CLNK: variants seen among roughly 807,000 people sequenced by gnomAD.
CLNK encodes cytokine-dependent hematopoietic cell linker.
A neutral mutation model predicts 68.6 loss-of-function variants in CLNK; 74 were observed. The ratio of observed to expected loss-of-function variants is 1.08; its 90% CI spans 0.89 to 1.31. The LOEUF (loss-of-function observed/expected upper bound fraction) is 1.31, where lower values mean the gene tolerates loss of function less well. Ranked by LOEUF, CLNK falls within the 50% of genes most tolerant of loss-of-function variation. The probability of loss-of-function intolerance (pLI) is 0.00; values close to 1 mark genes in which losing one functional copy is unlikely to be tolerated. For missense variants in CLNK, 553 were observed against 515.3 expected (o/e 1.07, Z -0.71); for synonymous variants, 198 against 172.2 (o/e 1.15, Z -1.17).
At chr4:10,608,909 C>T (rs146444922) in intron 2 of CLNK, among the ~76,000 whole-genome samples, 259 of 152,268 alleles carry the variant, frequency 1.7e-3, no homozygotes, top group African/African-American at 5.6e-3. Flanking sequence ...GAGCTGTTTC[C>T]CTGTGGTATC....
At chr4:10,513,772 G>GTAGCTTTGCCC (rs1427380801) in intron 15 of CLNK, among the ~76,000 whole-genome samples, 175 bp from the exon 16 acceptor site, 2 of 150,906 alleles carry the variant, frequency 1.3e-5, no homozygotes, top group Non-Finnish European at 2.9e-5. Flanking sequence ...TTCTCTACCT[G>GTAGCTTTGCCC]TAGCTTTGCC....
intron 2 of CLNK, chr4:10,635,845 C>T (rs889021976): frequency 3.3e-5 from 5 of 152,128 alleles, no homozygotes; most frequent in African/African-American, 4.8e-5. Flanking sequence ...CTCCAAAATC[C>T]GTGTTCTTTC....
At chr4:10,606,505 A>C (rs1470088403) in intron 2 of CLNK, among the ~76,000 whole-genome samples, 1 of 152,164 alleles carries the variant, frequency 6.6e-6, no homozygotes, top group Admixed American at 6.5e-5. Flanking sequence ...TAAATATATA[A>C]ACCAGTAACA....
intron 14 of CLNK, among the ~76,000 whole-genome samples, chr4:10,525,382 A>G (rs1718268428): frequency 6.6e-6 from 1 of 152,036 alleles, no homozygotes; most frequent in African/African-American, 2.4e-5. Context: ...GGCTTCTTTA[A>G]CTCTTCAGTT....
the CLNK span, among the ~76,000 whole-genome samples, chr4:10,731,083 A>G: frequency 2.6e-5 from 4 of 152,190 alleles, no homozygotes; most frequent in African/African-American, 4.8e-5. Context: ...AGAACATTCC[A>G]TATGTTCTCT....
In CLNK at chr4:10,558,572, G is replaced by A. The variant is rs1719767530; in HGVS notation, c.400-120C>T. 1.3e-5 allele frequency: 11 copies of A among 849,610 alleles called. No homozygotes were observed. The South Asian group carries it at 1.6e-4, about 12-fold the overall frequency. The allele number at this position is 849,610 out of a possible 1,614,324, so 52.6% of individuals were successfully genotyped here. On this transcript the variant is annotated intron_variant, in intron 7 of 18. Transcript: ENST00000226951. ...AAGCCGTAAGTCCCTGGGCTCTCTGGTTTTCAATGTATGGTTGGCTGTCAA... is the reference window on the plus strand; with the variant it reads ...AAGCCGTAAGTCCCTGGGCTCTCTGATTTTCAATGTATGGTTGGCTGTCAA...
chr4:10,674,342 G>A, intron 1 of CLNK, among the ~76,000 whole-genome samples: 1 of 152,286 alleles, frequency 6.6e-6, no homozygotes. Flanking sequence ...AAACACCACT[G>A]TACTGAGTGC....
chr4:10,515,105 G>A (rs1307174416), intron 15 of CLNK, among the ~76,000 whole-genome samples: 1 of 152,064 alleles, frequency 6.6e-6, no homozygotes, highest in Admixed American at 6.5e-5. Context: ...GGGCATGGTG[G>A]CGTGCTCCTG....
intron 13 of CLNK, among the ~76,000 whole-genome samples, 161 bp from the exon 14 acceptor site, chr4:10,526,083 G>A (rs1263879569): frequency 6.6e-6 from 1 of 152,118 alleles, no homozygotes; most frequent in Non-Finnish European, 1.5e-5. Flanking sequence ...GTATTCTACG[G>A]CTCTTCTGGC....
At chr4:10,500,273 C>G (rs1716983765) in intron 18 of CLNK, among the ~76,000 whole-genome samples, 1 of 152,190 alleles carries the variant, frequency 6.6e-6, no homozygotes, top group Non-Finnish European at 1.5e-5. Flanking sequence ...CTCTCCTTCC[C>G]CCTTCCGTTA....
intron 2 of CLNK, among the ~76,000 whole-genome samples, chr4:10,659,187 G>A (rs1724094953): frequency 6.6e-6 from 1 of 152,134 alleles, no homozygotes; most frequent in South Asian, 2.1e-4. Flanking sequence ...GGAAACAAGA[G>A]CGAAACTCTG....
intron 12 of CLNK, chr4:10,531,734 C>T: frequency 2.2e-6 from 1 of 456,780 alleles, no homozygotes; most frequent in South Asian, 1.5e-5. Flanking sequence ...AGCCACTGCA[C>T]CTGGCCCCCA....
intron 18 of CLNK, 147 bp downstream of exon 18, chr4:10,501,109 G>A: frequency 1.3e-6 from 1 of 755,948 alleles, no homozygotes; most frequent in South Asian, 2.3e-5. Context: ...TGTAAGATGT[G>A]CAGATATTTG....
intron 15 of CLNK, among the ~76,000 whole-genome samples, chr4:10,513,977 T>C (rs992236910): frequency 7.1e-6 from 1 of 141,282 alleles, no homozygotes; most frequent in South Asian, 2.4e-4. Flanking sequence ...CATCTAGCAT[T>C]AGGTATATCT....
intron 5 of CLNK, among the ~76,000 whole-genome samples, chr4:10,568,973 A>G (rs1720232960): frequency 6.6e-6 from 1 of 152,080 alleles, no homozygotes; most frequent in Non-Finnish European, 1.5e-5. Context: ...AAGTGACACC[A>G]CTCTCTGTAT....
At chr4:10,537,226 C>T (rs1284399597) in intron 11 of CLNK, among the ~76,000 whole-genome samples, 1 of 152,142 alleles carries the variant, frequency 6.6e-6, no homozygotes, top group East Asian at 1.9e-4. Context: ...GTCTGTAATC[C>T]CAGCACTTTG....
the CLNK span, among the ~76,000 whole-genome samples, chr4:10,694,721 C>G: frequency 6.6e-6 from 1 of 152,108 alleles, no homozygotes; most frequent in South Asian, 2.1e-4. Flanking sequence ...TGACTCATGA[C>G]TGTATTATGT....
At chr4:10,617,428 T>C (rs2108858430) in intron 2 of CLNK, among the ~76,000 whole-genome samples, 1 of 152,222 alleles carries the variant, frequency 6.6e-6, no homozygotes, top group East Asian at 1.9e-4. Flanking sequence ...AATTCCAAAA[T>C]CCCCTTACGA....
the CLNK span, among the ~76,000 whole-genome samples, chr4:10,715,597 T>C: frequency 6.6e-6 from 1 of 152,262 alleles, no homozygotes; most frequent in Non-Finnish European, 1.5e-5. Flanking sequence ...TTTCTTTTCT[T>C]CTTCTTTATA....
Sources: gnomAD v4.1 joint callset for allele counts (sites outside exome capture counted in the v4.1 genomes callset) on GRCh38, gnomAD v4.1.1 for gene constraint, MANE v1.5 for transcripts, NCBI Gene and HGNC (gene_info 2026-07-23, HGNC 2026-07-21) for gene names.